Variants in KAZN observed in about 807,000 individuals in gnomAD.
KAZN encodes the protein kazrin, periplakin interacting protein.
Under a neutral mutation model 87.4 loss-of-function variants are expected in KAZN, and 40 were observed. The ratio of observed to expected loss-of-function variants is 0.46; its 90% confidence interval spans 0.36 to 0.60. The LOEUF (loss-of-function observed/expected upper bound fraction) is 0.60. KAZN is among the 20% of genes least tolerant of loss of function. The pLI, the probability that KAZN is intolerant of heterozygous loss-of-function variation, is 0.00. For missense variants in KAZN, 898 were observed against 1,073.9 expected (o/e 0.84, Z 2.29); for synonymous variants, 466 against 458.3 (o/e 1.02, Z -0.22).
chr1:13,904,082 A>G (rs186815130), intron 1 of KAZN, among the ~76,000 whole-genome samples: 1 of 152,300 alleles, frequency 6.6e-6, no homozygotes, highest in Non-Finnish European at 1.5e-5. Context: ...AGGGTCTACA[A>G]TGTCATCAGT....
At chr1:14,781,089 G>C (rs545028187) in intron 1 of KAZN, among the ~76,000 whole-genome samples, 1 of 152,134 alleles carries the variant, frequency 6.6e-6, no homozygotes, top group East Asian at 1.9e-4. Flanking sequence ...TTGGGAGGCC[G>C]AGGCAGGTGG....
chr1:13,985,572 G>C (rs1437688803), intron 1 of KAZN, among the ~76,000 whole-genome samples: 1 of 108,766 alleles, frequency 9.2e-6, no homozygotes, highest in African/African-American at 3.6e-5. Flanking sequence ...GGGGGGAGGG[G>C]GGAGGGATAG....
At chr1:14,567,189 A>G (rs1674593862) in intron 2 of KAZN, among the ~76,000 whole-genome samples, 1 of 152,108 alleles carries the variant, frequency 6.6e-6, no homozygotes, top group African/African-American at 2.4e-5. Flanking sequence ...GGGTTATTAG[A>G]TGGCATAGTT....
chr1:15,085,692 G>T (rs762031094), intron 8 of KAZN, among the ~76,000 whole-genome samples: 3 of 152,192 alleles, frequency 2.0e-5, no homozygotes, highest in Non-Finnish European at 4.4e-5. Context: ...GTCAGTGAAG[G>T]TTATAGCAGA....
intron 1 of KAZN, among the ~76,000 whole-genome samples, chr1:14,851,867 C>A (rs116621943): frequency 0.032 from 4,900 of 152,298 alleles, 267 homozygotes; most frequent in African/African-American, 0.11. Flanking sequence ...ACCACCCCTG[C>A]AACTGCAGGT....
chr1:14,816,846 C>T (rs3845591), intron 1 of KAZN, among the ~76,000 whole-genome samples: 56,083 of 151,990 alleles, frequency 0.37, 12,030 homozygotes, highest in African/African-American at 0.59. Context: ...GATTGATAGA[C>T]AGATAGATGG....
chr1:14,963,987 T>C (rs1664175510), intron 2 of KAZN, among the ~76,000 whole-genome samples: 1 of 152,250 alleles, frequency 6.6e-6, no homozygotes, highest in Admixed American at 6.5e-5. Flanking sequence ...TTGCATAGTA[T>C]TCCATGTTGT....
chr1:13,908,237 G>A (rs1639519423), intron 1 of KAZN, among the ~76,000 whole-genome samples: 1 of 152,222 alleles, frequency 6.6e-6, no homozygotes, highest in Non-Finnish European at 1.5e-5. Flanking sequence ...TGAGAAACAG[G>A]CAGCATCAAC....
chr1:14,615,700 A>G (rs1297395255), intron 1 of KAZN, among the ~76,000 whole-genome samples: 1 of 151,550 alleles, frequency 6.6e-6, no homozygotes. Flanking sequence ...TTCCAATCGT[A>G]TGGCCAACGT....
chr1:14,720,371 T>C (rs1371582800), intron 1 of KAZN, among the ~76,000 whole-genome samples: 2 of 152,168 alleles, frequency 1.3e-5, no homozygotes, highest in East Asian at 3.9e-4. Flanking sequence ...CCCTAATGCG[T>C]CTTTCTTGGT....
At chr1:14,990,672 C>T (rs542365151) in intron 2 of KAZN, among the ~76,000 whole-genome samples, 4 of 151,856 alleles carry the variant, frequency 2.6e-5, no homozygotes, top group Non-Finnish European at 5.9e-5. Flanking sequence ...CTGGCTCTTC[C>T]CAGTAAACCC....
intron 2 of KAZN, among the ~76,000 whole-genome samples, chr1:14,510,378 CA>C (rs70997152): frequency 4.2e-5 from 6 of 144,534 alleles, no homozygotes; most frequent in Admixed American, 6.9e-5. Flanking sequence ...AACTCCATCT[CA>C]AAAAAAAAAA....
chr1:14,544,739 A>T (rs889975048), intron 2 of KAZN, among the ~76,000 whole-genome samples: 12 of 114,510 alleles, frequency 1.0e-4, no homozygotes, highest in Admixed American at 5.6e-4. Flanking sequence ...TTCTTTATTT[A>T]AAAAAAAAAA....
chr1:14,158,723 G>C (rs1221888360), intron 1 of KAZN, among the ~76,000 whole-genome samples: 1 of 152,082 alleles, frequency 6.6e-6, no homozygotes. Context: ...AGTACTCTCA[G>C]TCTGGGCTTG....
chr1:14,745,152 G>A (rs916843870), intron 1 of KAZN, among the ~76,000 whole-genome samples: 1 of 151,952 alleles, frequency 6.6e-6, no homozygotes, highest in Non-Finnish European at 1.5e-5. Flanking sequence ...GTGCCCTGCA[G>A]GCCAGCACCC....
chr1:14,667,806 C>CA lies in KAZN; in HGVS notation c.226+68598dup, dbSNP rs33915856. Among the ~76,000 whole-genome samples, 278 of 115,654 alleles carry CA rather than the reference C, an allele frequency of 2.4e-3. 2 individuals carry two copies. Among genetic ancestry groups the CA allele is most frequent in the Middle Eastern group, 0.014 (3 of 210 alleles). 75.9% of individuals were successfully genotyped at this position (115,654 alleles called of 152,430 possible). A position where few individuals can be genotyped will look rare whatever the true frequency, so the allele number is the denominator to read the frequency against. On this transcript the variant is annotated intron_variant, in intron 1 of 14. Transcript: ENST00000376030. ...ACCCTCTTTTATGTAGATGAGTTCTCAAAAAAAAAAAAAAAGAATGAAAAT... is the reference window on the plus strand; with the variant it reads ...ACCCTCTTTTATGTAGATGAGTTCTCAAAAAAAAAAAAAAAAGAATGAAAAT...
intron 1 of KAZN, among the ~76,000 whole-genome samples, chr1:13,933,050 A>G (rs1248893378): frequency 2.6e-5 from 4 of 152,150 alleles, no homozygotes; most frequent in Admixed American, 1.3e-4. Context: ...TTCCAATGGT[A>G]TATTTATCAA....
At chr1:14,004,700 T>G (rs913450055) in intron 1 of KAZN, among the ~76,000 whole-genome samples, 1 of 152,040 alleles carries the variant, frequency 6.6e-6, no homozygotes, top group East Asian at 1.9e-4. Flanking sequence ...TGCACTTTTG[T>G]ACATAGTGTT....
chr1:14,561,227 A>ACTGAGCTAT (rs1557801474), intron 2 of KAZN, among the ~76,000 whole-genome samples: 1 of 152,154 alleles, frequency 6.6e-6, no homozygotes. Flanking sequence ...TGGCTGAATC[A>ACTGAGCTAT]CTGAGCTATT....
Sources: gnomAD v4.1 joint callset for allele counts (sites outside exome capture counted in the v4.1 genomes callset) on GRCh38, gnomAD v4.1.1 for gene constraint, MANE v1.5 for transcripts, NCBI Gene and HGNC (gene_info 2026-07-23, HGNC 2026-07-21) for gene names.